SNPH: variants seen among roughly 807,000 people sequenced by gnomAD.
SNPH encodes syntaphilin.
In SNPH, 10 loss-of-function variants were observed where a neutral mutation model predicts 36.8. That is an observed-to-expected ratio of 0.27 (90% CI 0.17 to 0.46). The LOEUF (loss-of-function observed/expected upper bound fraction) is 0.46. Among genes scored for constraint, SNPH ranks in the 20% least tolerant of loss-of-function variants. SNPH has a pLI of 1.00. For missense variants in SNPH, 622 were observed against 744.0 expected, an observed-to-expected ratio of 0.84 and a Z score of 1.91; for synonymous variants, 281 against 312.2, an observed-to-expected ratio of 0.90 and a Z score of 1.05.
intron 2 of SNPH, among the ~76,000 whole-genome samples, chr20:1,272,101 T>C (rs1379032705): frequency 2.0e-5 from 3 of 152,224 alleles, no homozygotes; most frequent in Non-Finnish European, 4.4e-5. Context: ...GAAAATGGTA[T>C]TCCTTCAAAT....
chr20:1,288,348 C>G (rs2088308807), intron 2 of SNPH, among the ~76,000 whole-genome samples: 1 of 152,180 alleles, frequency 6.6e-6, no homozygotes, highest in African/African-American at 2.4e-5. Flanking sequence ...TGGCGCCTTC[C>G]TGAGTGAATG....
chr20:1,273,951 A>G (rs530346487), intron 2 of SNPH, among the ~76,000 whole-genome samples: 1 of 152,284 alleles, frequency 6.6e-6, no homozygotes, highest in African/African-American at 2.4e-5. Flanking sequence ...TTGGCATCAG[A>G]GCTGCGTTCT....
At chr20:1,292,701 G>A (rs1568546237) in intron 2 of SNPH, among the ~76,000 whole-genome samples, 2 of 152,088 alleles carry the variant, frequency 1.3e-5, no homozygotes, top group East Asian at 1.9e-4. Flanking sequence ...TGTGTGGCCT[G>A]CCCCCCTCCT....
At chr20:1,296,485 C>T in intron 4 of SNPH, 64 bp downstream of exon 4, 1 of 1,378,678 alleles carries the variant, frequency 7.3e-7, no homozygotes, top group Non-Finnish European at 1.0e-6. Flanking sequence ...ACGGGCCTCT[C>T]TCTACCTGCC....
intron 2 of SNPH, among the ~76,000 whole-genome samples, chr20:1,274,209 T>C (rs2088104919): frequency 6.6e-6 from 1 of 152,060 alleles, no homozygotes; most frequent in Non-Finnish European, 1.5e-5. Context: ...AGTGACAGGA[T>C]AGCAGTTTTC....
Position 1,305,321 on chromosome 20 carries a change from C to T in SNPH, c.884C>T (p.Thr295Ile). 1 of 1,610,620 alleles carries T rather than the reference C, an allele frequency of 6.2e-7. No individual in the cohort carries two copies. The highest frequency in any genetic ancestry group is 8.5e-7 in the Non-Finnish European group (1 of 1,179,486). The part of the protein sequence containing the change: ...ADSGFAAADD[T>I]LSRTDALEAS... Reference sequence around the variant, plus strand: ...AGTGGCTTTGCAGCAGCCGATGACACACTGAGCCGGACGGACGCGCTGGAA... The same window carrying T: ...AGTGGCTTTGCAGCAGCCGATGACATACTGAGCCGGACGGACGCGCTGGAA... Residue 295 changes from threonine (T) to isoleucine (I), a missense_variant, in exon 7 of 7, where the codon ACA (threonine) becomes ATA (isoleucine). Thr to Ile is a moderately conservative substitution (Grantham distance 89). This residue lies in a region of SNPH where 379 missense variants were observed against 427.9 expected (regional missense o/e 0.89). Coordinates refer to ENST00000381867, the MANE Select transcript of SNPH (RefSeq NM_001318234.2).
rs766776625 is a variant in SNPH, at chr20:1,297,176, G to A, written c.214G>A (p.Ala72Thr). 6.2e-7 allele frequency: 1 copy of A among 1,613,806 alleles called. No homozygotes were observed. Among genetic ancestry groups the A allele is most frequent in the Non-Finnish European group, 8.5e-7 (1 of 1,179,956 alleles). ...CTCTCCACCTGTGAGCGTGCGGGAT[G>A]CCTACGGCACCTCTTCGCTCAGCAG... Reference protein sequence around the residue: ...RTSPPVSVRDAYGTSSLSSSS... With the variant: ...RTSPPVSVRDTYGTSSLSSSS... The change falls in exon 5 of 7, where the codon GCC (alanine) becomes ACC (threonine). Residue 72 changes from alanine to threonine, a missense_variant. Coordinates refer to ENST00000381867, the MANE Select transcript of SNPH (RefSeq NM_001318234.2).
chr20:1,267,939 G>T (rs940948810), intron 2 of SNPH, among the ~76,000 whole-genome samples: 1 of 152,200 alleles, frequency 6.6e-6, no homozygotes, highest in African/African-American at 2.4e-5. Flanking sequence ...TGAGATGTAT[G>T]TGGAAGCACC....
intron 2 of SNPH, among the ~76,000 whole-genome samples, chr20:1,284,725 G>A (rs2088263994): frequency 6.6e-6 from 1 of 152,158 alleles, no homozygotes. Flanking sequence ...GGATGTGCAA[G>A]AAGGCAGGGT....
In SNPH at chr20:1,289,512, T is replaced by TACACAC. The variant is rs56289024; in HGVS notation, c.-492-5399_-492-5394dup. 6.9e-3 allele frequency among the ~76,000 whole-genome samples: 947 copies of TACACAC among 137,706 alleles called. 8 individuals are homozygous for TACACAC. The highest frequency in any genetic ancestry group is 0.022 in the African/African-American group (799 of 35,990). The allele number at this position is 137,706 out of a possible 152,430, so 90.3% of individuals were successfully genotyped here. A position where few individuals can be genotyped will look rare whatever the true frequency, so the allele number is the denominator to read the frequency against. ...TTATTAATGCAACGGTTCATTTAAA[T>TACACAC]ACACACACACACACACACACACACA... On this transcript the variant is annotated intron_variant, in intron 2 of 6. Transcript: ENST00000381867.
Position 1,266,510 on chromosome 20 carries a change from G to C in SNPH, c.-600+113G>C. The C allele has an allele frequency of 8.3e-7, 1 of 1,207,550 alleles. No homozygotes were observed. Among genetic ancestry groups the C allele is most frequent in the Non-Finnish European group, 1.1e-6 (1 of 924,474 alleles). 74.8% of individuals were successfully genotyped at this position (1,207,550 alleles called of 1,614,324 possible). A position where few individuals can be genotyped will look rare whatever the true frequency, so the allele number is the denominator to read the frequency against. On this transcript the variant is annotated intron_variant, in intron 1 of 6. Coordinates refer to ENST00000381867, the MANE Select transcript of SNPH (RefSeq NM_001318234.2). This position sits in a 1 kb window ranked among gnomAD's most constrained non-coding sequence, Gnocchi z 6.0. Reference sequence around the variant, plus strand: ...GGGGGCCGCGGGCCGCGAGGAGGAGGGGACGGAGCACCCGGCAGGCAGCCT... The same window carrying C: ...GGGGGCCGCGGGCCGCGAGGAGGAGCGGACGGAGCACCCGGCAGGCAGCCT...
Position 1,266,470 on chromosome 20 carries a change from G to A in SNPH, c.-600+73G>A. 1.2e-6 allele frequency: 1 copy of A among 840,938 alleles called. No homozygotes were observed. The highest frequency in any genetic ancestry group is 1.7e-6 in the Non-Finnish European group (1 of 595,974). 52.1% of individuals were successfully genotyped at this position (840,938 alleles called of 1,614,324 possible). ...CCCGCCGCAGTCCAGAGTGCCGAGT[G>A]CCAGGGGGTGGGGTGGGGGCCGCGG... On this transcript the variant is annotated intron_variant, in intron 1 of 6. Coordinates refer to ENST00000381867, the MANE Select transcript of SNPH (RefSeq NM_001318234.2). The surrounding 1 kb of genome is among the most constrained non-coding windows in gnomAD (Gnocchi z 6.0).
chr20:1,269,694 C>G (rs1412198397), intron 2 of SNPH, among the ~76,000 whole-genome samples: 4 of 152,142 alleles, frequency 2.6e-5, no homozygotes, highest in Non-Finnish European at 1.5e-5. Context: ...GAGAGTTTTC[C>G]TTTCACCGTG....
chr20:1,292,011 G>A (rs1217002986), intron 2 of SNPH, among the ~76,000 whole-genome samples: 12 of 152,226 alleles, frequency 7.9e-5, no homozygotes, highest in Admixed American at 7.2e-4. Flanking sequence ...TAGAATTAGA[G>A]AATGTTAGAT....
chr20:1,302,861 C>A (rs2088520552), intron 6 of SNPH, among the ~76,000 whole-genome samples: 1 of 152,230 alleles, frequency 6.6e-6, no homozygotes, highest in Non-Finnish European at 1.5e-5. Context: ...GGGAGGATTT[C>A]TATTTTTATT....
intron 2 of SNPH, among the ~76,000 whole-genome samples, chr20:1,293,809 T>C (rs2088393661): frequency 6.6e-6 from 1 of 152,114 alleles, no homozygotes; most frequent in African/African-American, 2.4e-5. Context: ...AAGAGGGAAC[T>C]CAAGAGGAGG....
At chr20:1,288,916 C>T (rs1417190707) in intron 2 of SNPH, among the ~76,000 whole-genome samples, 2 of 152,146 alleles carry the variant, frequency 1.3e-5, no homozygotes, top group African/African-American at 4.8e-5. Flanking sequence ...GCCACCGTGT[C>T]TGGCCAAGAA....
intron 2 of SNPH, among the ~76,000 whole-genome samples, chr20:1,270,371 G>A (rs2088058510): frequency 6.6e-6 from 1 of 151,994 alleles, no homozygotes; most frequent in African/African-American, 2.4e-5. Context: ...TGGGGTGGGG[G>A]GACAGAGAGA....
At chr20:1,281,844 G>C (rs915954626) in intron 2 of SNPH, among the ~76,000 whole-genome samples, 13 of 152,264 alleles carry the variant, frequency 8.5e-5, no homozygotes, top group Non-Finnish European at 1.3e-4. Context: ...CTGCCACACA[G>C]ATAGGAAATG....
Sources: allele counts gnomAD v4.1 joint callset (sites outside exome capture counted in the v4.1 genomes callset), GRCh38; gene constraint gnomAD v4.1.1; regional missense constraint gnomAD v4.1.1; non-coding constraint Gnocchi (gnomAD v3.1); transcripts MANE v1.5; gene names NCBI Gene and HGNC (gene_info 2026-07-23, HGNC 2026-07-21).